The following ZFAT variants were observed in gnomAD, a reference collection of about 807,000 sequenced individuals.
The protein encoded by ZFAT is zinc finger and AT-hook domain containing.
A neutral mutation model predicts 117.7 loss-of-function variants in ZFAT; 64 were observed. The ratio of observed to expected loss-of-function variants is 0.54; its 90% CI spans 0.44 to 0.67. ZFAT has a LOEUF of 0.67. ZFAT is among the 30% of genes least tolerant of loss of function. The pLI is 0.00. For synonymous variants in ZFAT, 679 were observed against 615.0 expected, an observed-to-expected ratio of 1.10 and a Z score of -1.54; for missense variants, 1,433 against 1,584.5, an observed-to-expected ratio of 0.90 and a Z score of 1.62.
intron 10 of ZFAT, among the ~76,000 whole-genome samples, chr8:134,570,734 G>A (rs923190173): frequency 2.6e-5 from 4 of 152,174 alleles, no homozygotes; most frequent in African/African-American, 9.7e-5. Flanking sequence ...GGCATCACAA[G>A]GGCCAGTGAT....
the ZFAT span, among the ~76,000 whole-genome samples, chr8:134,763,854 C>T: frequency 6.6e-6 from 1 of 152,144 alleles, no homozygotes; most frequent in Non-Finnish European, 1.5e-5. Flanking sequence ...TCCTGTCTTT[C>T]CAGAATCTAA....
intron 1 of ZFAT, among the ~76,000 whole-genome samples, chr8:134,693,481 A>C (rs1833681500): frequency 6.6e-6 from 1 of 152,222 alleles, no homozygotes; most frequent in Non-Finnish European, 1.5e-5. Context: ...ACAACTAGTA[A>C]AACAAAATAG....
chr8:134,626,105 TGAGTACCCTTTGGTCATTAAGAGTCA>T (rs1829478649), intron 3 of ZFAT, among the ~76,000 whole-genome samples: 1 of 152,182 alleles, frequency 6.6e-6, no homozygotes, highest in African/African-American at 2.4e-5. Flanking sequence ...CAAAAGGCCC[TGAGTACCCTTTGGTCATTAAGAGTCA>T]CAATAAGCAG....
chr8:134,529,239 T>TC (rs1260517775), intron 12 of ZFAT, among the ~76,000 whole-genome samples: 3 of 152,130 alleles, frequency 2.0e-5, no homozygotes, highest in African/African-American at 7.2e-5. Flanking sequence ...CTAAACCCCA[T>TC]CCTCACCCTG....
At chr8:134,823,719 C>T in the ZFAT span, among the ~76,000 whole-genome samples, 4 of 152,294 alleles carry the variant, frequency 2.6e-5, no homozygotes, top group South Asian at 8.3e-4. Context: ...AATATTATCA[C>T]AGGCAGCCAA....
chr8:134,604,446 T>C (rs1465646765), intron 5 of ZFAT, among the ~76,000 whole-genome samples: 1 of 152,208 alleles, frequency 6.6e-6, no homozygotes, highest in African/African-American at 2.4e-5. Context: ...CCAAGCCTTG[T>C]TTCTGAAACC....
intron 11 of ZFAT, among the ~76,000 whole-genome samples, chr8:134,548,449 C>T (rs1449315693): frequency 6.6e-6 from 1 of 152,092 alleles, no homozygotes; most frequent in East Asian, 1.9e-4. Context: ...GAGGGTGAGG[C>T]GGCACGGGAA....
the ZFAT span, among the ~76,000 whole-genome samples, chr8:134,738,733 G>T: frequency 2.0e-5 from 3 of 152,144 alleles, no homozygotes; most frequent in Non-Finnish European, 4.4e-5. Flanking sequence ...GAACGAGGAG[G>T]GGGAGGTAAC....
intron 15 of ZFAT, among the ~76,000 whole-genome samples, chr8:134,496,216 T>TGGG (rs1818424417): frequency 2.0e-5 from 3 of 152,252 alleles, no homozygotes; most frequent in Non-Finnish European, 4.4e-5. Flanking sequence ...GTAAGTTCCA[T>TGGG]GATCTTCCCA....
chr8:134,658,046 A>T (rs1243764941), intron 1 of ZFAT, among the ~76,000 whole-genome samples: 6 of 152,242 alleles, frequency 3.9e-5, no homozygotes, highest in African/African-American at 1.4e-4. Flanking sequence ...CAAGTAAAAA[A>T]TAAATATGCG....
the ZFAT span, among the ~76,000 whole-genome samples, chr8:134,718,495 C>G: frequency 6.0e-5 from 9 of 151,002 alleles, no homozygotes; most frequent in African/African-American, 2.0e-4. Flanking sequence ...AGACCTGTCT[C>G]AAAGAAAAAA....
At chr8:134,749,111 T>C in the ZFAT span, among the ~76,000 whole-genome samples, 1 of 152,330 alleles carries the variant, frequency 6.6e-6, no homozygotes, top group Admixed American at 6.5e-5. Flanking sequence ...ACTCTTTTTG[T>C]GGCATCTTTT....
intron 3 of ZFAT, among the ~76,000 whole-genome samples, chr8:134,635,015 T>C (rs1011843992): frequency 6.6e-6 from 1 of 152,212 alleles, no homozygotes; most frequent in Non-Finnish European, 1.5e-5. Context: ...ATAGGGCTCA[T>C]GTTCCTATGA....
At chr8:134,763,690 G>A in the ZFAT span, among the ~76,000 whole-genome samples, 1 of 152,102 alleles carries the variant, frequency 6.6e-6, no homozygotes, top group African/African-American at 2.4e-5. Context: ...CATAGAAGTT[G>A]CCTCCCTAAA....
chr8:134,602,069 C>T lies in ZFAT; in HGVS notation c.1650G>A (p.Glu550=). Residue 550 remains glutamate (E), a synonymous_variant, in exon 6 of 16, where the codon GAG becomes GAA. Transcript: ENST00000377838. ...TQLEEGRKEP[E]APGEMPAPAV... is the part of the protein sequence containing the mutation. ...CTGGGGCAGGCATTTCCCCAGGGGC[C>T]TCCGGCTCCTTCCGGCCCTCCTCCA... 6.2e-7 allele frequency: 1 copy of T among 1,611,536 alleles called. No individual in the cohort carries two copies. The highest frequency in any genetic ancestry group is 1.1e-5 in the South Asian group (1 of 90,840).
rs139947671 is a variant in ZFAT at position 134,708,727 on chromosome 8, C to T, written c.19+4118G>A. 3.0e-3 allele frequency among the ~76,000 whole-genome samples: 454 copies of T among 152,028 alleles called. 1 individual carries two copies. Among genetic ancestry groups the T allele is most frequent in the African/African-American group, 0.01 (427 of 41,466 alleles). ...TGGCACTTTGGGAGGCTGAGGCAGG[C>T]GGATCACCTGAGGTCAGGAGTTGGA... On this transcript the variant is annotated intron_variant, in intron 1 of 15. Transcript: ENST00000377838.
rs751039291 is a variant in ZFAT at position 134,590,361 on chromosome 8, T to C, written c.2476-6A>G. 13 of 1,602,192 alleles carry C rather than the reference T, an allele frequency of 8.1e-6. No homozygotes were observed. The highest frequency in any genetic ancestry group is 1.3e-5 in the African/African-American group (1 of 74,576). On this transcript the variant is annotated splice_polypyrimidine_tract_variant and splice_region_variant and intron_variant, in intron 7 of 15. Transcript: ENST00000377838. ...CAAGAATAACTCCTTTTGTCCTTAATAGAAAGAGAACATAATCAGTTGACT... is the reference window on the plus strand; with the variant it reads ...CAAGAATAACTCCTTTTGTCCTTAACAGAAAGAGAACATAATCAGTTGACT...
chr8:134,787,484 G>C, the ZFAT span, among the ~76,000 whole-genome samples: 1 of 151,978 alleles, frequency 6.6e-6, no homozygotes, highest in African/African-American at 2.4e-5. Context: ...ACAGAATTCT[G>C]TTACTTTGTT....
chr8:134,603,925 G>T (rs1320690043), intron 5 of ZFAT, among the ~76,000 whole-genome samples: 1 of 152,196 alleles, frequency 6.6e-6, no homozygotes, highest in Non-Finnish European at 1.5e-5. Context: ...TATCATGGTT[G>T]GTTTAGAACA....
Sources: allele counts gnomAD v4.1 joint callset (sites outside exome capture counted in the v4.1 genomes callset), GRCh38; gene constraint gnomAD v4.1.1; transcripts MANE v1.5; gene names NCBI Gene and HGNC (gene_info 2026-07-23, HGNC 2026-07-21).